CFAP65: variants seen among roughly 807,000 people sequenced by gnomAD.
CFAP65 encodes cilia- and flagella-associated protein 65.
In CFAP65, 155 loss-of-function variants were observed where a neutral mutation model predicts 208.0. The observed-to-expected ratio is 0.75, with a 90% CI of 0.65 to 0.85. CFAP65 has a LOEUF of 0.85. Among genes scored for constraint, CFAP65 ranks in the 40% least tolerant of loss-of-function variants. The pLI, the probability that CFAP65 is intolerant of heterozygous loss-of-function variation, is 0.00. For missense variants in CFAP65, 2,294 were observed against 2,451.3 expected (o/e 0.94, Z 1.36); for synonymous variants, 970 against 986.3 (o/e 0.98, Z 0.31).
rs1277321307 is a variant in CFAP65, at chr2:219,004,959, C to CTTTCTTTCTTTCTTTCTT, written c.5051+474_5051+475insAAGAAAGAAAGAAAGAAA. On this transcript the variant is annotated intron_variant, in intron 32 of 34. Coordinates refer to ENST00000341552, the MANE Select transcript of CFAP65 (RefSeq NM_194302.4). This position sits in a 1 kb window ranked among gnomAD's most constrained non-coding sequence, Gnocchi z 4.7. ...TTTTTCTTTCTTTCTTTCTTTCTTT[C>CTTTCTTTCTTTCTTTCTT]TCTCTCTTTCTTTCTTTCTCTCTTT... 7.2e-6 allele frequency among the ~76,000 whole-genome samples: 1 copy of CTTTCTTTCTTTCTTTCTT among 139,448 alleles called. No individual in the cohort carries two copies. Among genetic ancestry groups the CTTTCTTTCTTTCTTTCTT allele is most frequent in the African/African-American group, 3.0e-5 (1 of 33,042 alleles). 91.5% of individuals were successfully genotyped at this position (139,448 alleles called of 152,430 possible). A position where few individuals can be genotyped will look rare whatever the true frequency, so the allele number is the denominator to read the frequency against.
chr2:219,013,902 G>A lies in CFAP65; in HGVS notation c.3745C>T (p.Pro1249Ser), dbSNP rs1276180475. 3 of 1,612,970 alleles carry A rather than the reference G, an allele frequency of 1.9e-6. No individual in the cohort carries two copies. In the African/African-American group the frequency reaches 4.0e-5, roughly 22 times the overall value. ...SISPKAGSLS[P>S]GQEQMVELKY... The stretch of plus-strand genomic sequence containing the variant: ...AACTCCACCATCTGCTCCTGCCCAG[G>A]ACTCAGGCTCCCAGCCTTGGGGCTG... The change falls in exon 22 of 35, where the codon CCT becomes TCT. Residue 1249 changes from proline (P) to serine (S), a missense_variant. By Grantham distance (74) the Pro-to-Ser change is moderately conservative. Transcript: ENST00000341552.
chr2:219,033,063 T>C (rs973577039), intron 5 of CFAP65, among the ~76,000 whole-genome samples: 1 of 152,080 alleles, frequency 6.6e-6, no homozygotes, highest in African/African-American at 2.4e-5. Flanking sequence ...TGTTTAAATT[T>C]AGATGAAAAA....
intron 29 of CFAP65, 74 bp downstream of exon 29, chr2:219,008,973 C>A: frequency 3.0e-6 from 4 of 1,314,490 alleles, no homozygotes. Flanking sequence ...CCACCTTGGC[C>A]CACTACCTCT....
At chr2:219,026,919 T>A (rs1036050010) in intron 13 of CFAP65, 2 of 986,102 alleles carry the variant, frequency 2.0e-6, no homozygotes, top group African/African-American at 3.5e-5. Context: ...GAAAGCCTCC[T>A]CAAAAGATCG....
intron 18 of CFAP65, among the ~76,000 whole-genome samples, 163 bp downstream of exon 18, chr2:219,021,617 T>C (rs1458946560): frequency 6.6e-6 from 1 of 152,156 alleles, no homozygotes; most frequent in Non-Finnish European, 1.5e-5. Flanking sequence ...GTGATCATAG[T>C]GCACTGCAGC....
Position 219,021,138 on chromosome 2 carries a change from G to A in CFAP65, c.3259+14C>T. 6.6e-7 allele frequency: 1 copy of A among 1,513,428 alleles called. No homozygotes were observed. The highest frequency in any genetic ancestry group is 1.8e-4 in the Middle Eastern group (1 of 5,684). The allele number at this position is 1,513,428 out of a possible 1,614,324, so 93.7% of individuals were successfully genotyped here. A position where few individuals can be genotyped will look rare whatever the true frequency, so the allele number is the denominator to read the frequency against. On this transcript the variant is annotated intron_variant, in intron 19 of 34. Transcript: ENST00000341552. ...TCCCCGGCCCCGACTCTCTATGCCA[G>A]GCAGTCTAGGTACCTCTGTGGGAAA...
At position 219,032,446 on chromosome 2, in the gene CFAP65, C is replaced by T; in HGVS notation, c.645+24G>A. On this transcript the variant is annotated intron_variant, in intron 6 of 34. Coordinates refer to ENST00000341552, the MANE Select transcript of CFAP65 (RefSeq NM_194302.4). This position sits in a 1 kb window ranked among gnomAD's most constrained non-coding sequence, Gnocchi z 5.5. The stretch of plus-strand genomic sequence containing the variant: ...CACTGCTCCCAGGTACCTCCCTGCC[C>T]TCACTCGCTGTGGCAGACCTTACCG... 1 of 1,557,500 alleles carries T rather than the reference C, an allele frequency of 6.4e-7. No individual in the cohort carries two copies. The highest frequency in any genetic ancestry group is 8.7e-7 in the Non-Finnish European group (1 of 1,149,034).
At chr2:219,013,826 T>G in intron 22 of CFAP65, 42 bp downstream of exon 22, 1 of 1,534,954 alleles carries the variant, frequency 6.5e-7, no homozygotes, top group Non-Finnish European at 8.8e-7. Context: ...GGTAGGGGCC[T>G]CTATGACTGG....
intron 5 of CFAP65, among the ~76,000 whole-genome samples, chr2:219,033,368 T>G (rs926272370): frequency 5.3e-5 from 8 of 152,060 alleles, no homozygotes; most frequent in Admixed American, 5.2e-4. Context: ...CCCAGCTACC[T>G]GAGAGGCTGA....
rs1376055328 is a variant in CFAP65 at position 219,023,995 on chromosome 2, C to A, written c.2595+20G>T. 2.5e-6 allele frequency: 4 copies of A among 1,607,146 alleles called. No individual in the cohort carries two copies. The highest frequency in any genetic ancestry group is 3.4e-6 in the Non-Finnish European group (4 of 1,175,256). On this transcript the variant is annotated intron_variant, in intron 15 of 34. Coordinates refer to ENST00000341552, the MANE Select transcript of CFAP65 (RefSeq NM_194302.4). ...ATGGCCCATTCCCAAGGACCCAGGT[C>A]CCCTCCCTCTGCCTCCTACCTTGAG... is the stretch of plus-strand genomic sequence containing the variant.
rs5838715 is a variant in CFAP65, at chr2:219,031,925, CTTTT to C, written c.646-271_646-268del. The stretch of plus-strand genomic sequence containing the variant: ...ATGTAGAAGGGGTTTCTTTTCTTTT[CTTTT>C]TTTTTTTTTTTTTTTGAGTCTCGCT... On this transcript the variant is annotated intron_variant, in intron 6 of 34. Transcript: ENST00000341552. This position sits in a 1 kb window ranked among gnomAD's most constrained non-coding sequence, Gnocchi z 5.2. Among the ~76,000 whole-genome samples the C allele has an allele frequency of 0.17, 22,727 of 131,168 alleles. 2,368 individuals are homozygous for C. The highest frequency in any genetic ancestry group is 0.34 in the African/African-American group (11,942 of 35,452). The allele number at this position is 131,168 out of a possible 152,430, so 86.1% of individuals were successfully genotyped here. A position where few individuals can be genotyped will look rare whatever the true frequency, so the allele number is the denominator to read the frequency against.
In CFAP65 at chr2:219,010,636, G is replaced by T. The variant is rs753518463; in HGVS notation, c.4218C>A (p.Asn1406Lys). 6.2e-7 allele frequency: 1 copy of T among 1,611,756 alleles called. No homozygotes were observed. The highest frequency in any genetic ancestry group is 1.3e-5 in the African/African-American group (1 of 74,876). Reference sequence around the variant, plus strand: ...GGGCTGTGTCCCCCATCATATGGGGGTTGTAGCCCACTCCCTGGAAGTGGA... The same window carrying T: ...GGGCTGTGTCCCCCATCATATGGGGTTTGTAGCCCACTCCCTGGAAGTGGA... ...ALIHFQGVGY[N>K]PHMMGDTAPF... is the part of the protein sequence containing the mutation. The change falls in exon 26 of 35, where the codon AAC (asparagine) becomes AAA (lysine). Residue 1406 changes from asparagine to lysine, a missense_variant. Physicochemically the swap from Asn to Lys is moderately conservative, Grantham distance 94 (BLOSUM62 0). Coordinates refer to ENST00000341552, the MANE Select transcript of CFAP65 (RefSeq NM_194302.4).
chr2:219,033,188 C>G (rs749615612), intron 5 of CFAP65, among the ~76,000 whole-genome samples: 1 of 152,226 alleles, frequency 6.6e-6, no homozygotes, highest in Non-Finnish European at 1.5e-5. Context: ...AATCTTTCCA[C>G]AGGCCAGGCA....
chr2:219,024,179 T>G lies in CFAP65; in HGVS notation c.2431A>C (p.Ser811Arg), dbSNP rs1267854099. 1 of 1,613,864 alleles carries G rather than the reference T, an allele frequency of 6.2e-7. No homozygotes were observed. The highest frequency in any genetic ancestry group is 1.3e-5 in the African/African-American group (1 of 74,924). Residue 811 changes from serine (S) to arginine (R), a missense_variant, in exon 15 of 35, where the codon AGC (serine) becomes CGC (arginine). This residue lies in a region of CFAP65 where 1,427 missense variants were observed against 1,438.7 expected (regional missense o/e 0.99). Transcript: ENST00000341552. ...VNKDCKLLTFSLAPQRGSDVI... is the reference protein window; with the variant it reads ...VNKDCKLLTFRLAPQRGSDVI... ...TCTGAGCCTCTCTGGGGGGCCAGGC[T>G]GAAGGTCAGCAGCTTGCAGTCTTTG... is the stretch of plus-strand genomic sequence containing the variant.
chr2:219,022,980 C>T (rs534639794), intron 16 of CFAP65, among the ~76,000 whole-genome samples: 1 of 152,332 alleles, frequency 6.6e-6, no homozygotes, highest in East Asian at 1.9e-4. Flanking sequence ...CAGCCCTGCA[C>T]GGCCTAACTT....
rs1947753692 is a variant in CFAP65 at position 219,027,962 on chromosome 2, C to T, written c.1899G>A (p.Met633Ile). 1 of 1,519,838 alleles carries T rather than the reference C, an allele frequency of 6.6e-7. No individual in the cohort carries two copies. Among genetic ancestry groups the T allele is most frequent in the African/African-American group, 1.4e-5 (1 of 71,768 alleles). 94.1% of individuals were successfully genotyped at this position (1,519,838 alleles called of 1,614,324 possible). A position where few individuals can be genotyped will look rare whatever the true frequency, so the allele number is the denominator to read the frequency against. Residue 633 changes from methionine to isoleucine, a missense_variant, in exon 13 of 35, where the codon ATG becomes ATA. Physicochemically the swap from Met to Ile is conservative, Grantham distance 10 (BLOSUM62 1). Transcript: ENST00000341552. ...TGGTGCCGTCGAAGAAGAACTCGGT[C>T]ATGGGGGGGATATAAGGGTACTGCG... is the stretch of plus-strand genomic sequence containing the variant. ...PAPQYPYIPP[M>I]TEFFFDGTSD...
chr2:219,024,025 T>TG lies in CFAP65; in HGVS notation c.2584dup (p.Gln862ProfsTer58). On this transcript the variant is annotated frameshift_variant, in exon 15 of 35. Transcript: ENST00000341552. LOFTEE classifies it high-confidence loss of function. ...CCCTCTGCCTCCTACCTTGAGATAC[T>TG]GGGGGGAAGCATTGCACTGCAGATA... 5.0e-6 allele frequency: 8 copies of TG among 1,613,420 alleles called. No individual in the cohort carries two copies. Among genetic ancestry groups the TG allele is most frequent in the Non-Finnish European group, 6.8e-6 (8 of 1,179,662 alleles).
At chr2:219,028,462 G>A (rs1947807139) in intron 11 of CFAP65, 61 bp from the exon 12 acceptor site, 16 of 1,441,004 alleles carry the variant, frequency 1.1e-5, no homozygotes, top group Non-Finnish European at 1.6e-5. Context: ...GGGGGGTGCT[G>A]GGGGTTGAAC....
intron 11 of CFAP65, 65 bp from the exon 12 acceptor site, chr2:219,028,466 G>A: frequency 7.2e-7 from 1 of 1,391,896 alleles, no homozygotes; most frequent in East Asian, 2.3e-5. Context: ...GGTGCTGGGG[G>A]TTGAACTGAG....
Sources: gnomAD v4.1 joint callset for allele counts (sites outside exome capture counted in the v4.1 genomes callset) on GRCh38, gnomAD v4.1.1 for gene constraint, gnomAD v4.1.1 regional missense constraint, Gnocchi (gnomAD v3.1) non-coding constraint, MANE v1.5 for transcripts, NCBI Gene and HGNC (gene_info 2026-07-23, HGNC 2026-07-21) for gene names.